SPOCK1: variants seen among roughly 807,000 people sequenced by gnomAD.
SPOCK1 encodes testican-1.
A neutral mutation model predicts 55.3 loss-of-function variants in SPOCK1; 23 were observed. The observed-to-expected ratio is 0.42, with a 90% CI of 0.30 to 0.59. The LOEUF is 0.59. SPOCK1 is among the 20% of genes least tolerant of loss of function. SPOCK1 has a pLI of 0.22. For missense variants in SPOCK1, 499 were observed against 552.5 expected (o/e 0.90, Z 0.97); for synonymous variants, 226 against 221.0 (o/e 1.02, Z -0.20).
chr5:137,071,865 G>T (rs114520423), intron 5 of SPOCK1, among the ~76,000 whole-genome samples: 1,786 of 152,280 alleles, frequency 0.012, 34 homozygotes, highest in African/African-American at 0.04. Flanking sequence ...AGATACAGAA[G>T]CCAAAACCTG....
chr5:137,398,633 A>T (rs904140142), intron 2 of SPOCK1, among the ~76,000 whole-genome samples: 1 of 152,210 alleles, frequency 6.6e-6, no homozygotes, highest in African/African-American at 2.4e-5. Context: ...ACACCCAGAG[A>T]CCACAGCTAA....
At chr5:137,059,945 A>G (rs1267451818) in intron 6 of SPOCK1, among the ~76,000 whole-genome samples, 2 of 152,246 alleles carry the variant, frequency 1.3e-5, no homozygotes, top group Admixed American at 6.5e-5. Flanking sequence ...AAGTCAAAAA[A>G]TAACAGATGC....
intron 6 of SPOCK1, among the ~76,000 whole-genome samples, chr5:137,038,037 C>T (rs987560636): frequency 6.6e-6 from 1 of 152,178 alleles, no homozygotes; most frequent in African/African-American, 2.4e-5. Flanking sequence ...GAGATGTATG[C>T]CCTTGCCTGA....
At chr5:137,036,140 G>A (rs1213988836) in intron 6 of SPOCK1, among the ~76,000 whole-genome samples, 2 of 152,196 alleles carry the variant, frequency 1.3e-5, no homozygotes, top group Non-Finnish European at 2.9e-5. Context: ...AAAGGGTAGT[G>A]CATCTGTTTT....
chr5:137,316,103 T>C (rs879852160), intron 2 of SPOCK1, among the ~76,000 whole-genome samples: 6 of 152,130 alleles, frequency 3.9e-5, no homozygotes, highest in East Asian at 3.9e-4. Context: ...AAATCCAAGA[T>C]TGAAGTGATA....
chr5:137,121,060 C>G (rs551348230), intron 4 of SPOCK1, among the ~76,000 whole-genome samples: 1 of 152,134 alleles, frequency 6.6e-6, no homozygotes, highest in Admixed American at 6.5e-5. Context: ...TATAAACATT[C>G]CAAATGTGTT....
At chr5:137,379,790 C>T (rs1412463317) in intron 2 of SPOCK1, among the ~76,000 whole-genome samples, 1 of 152,150 alleles carries the variant, frequency 6.6e-6, no homozygotes. Context: ...CTTGATGTGA[C>T]AATAGAAGCT....
intron 3 of SPOCK1, among the ~76,000 whole-genome samples, chr5:137,181,336 C>CTGTTAGTT (rs1368887862): frequency 3.3e-4 from 51 of 152,330 alleles, no homozygotes; most frequent in African/African-American, 1.2e-3. Context: ...GTGAGAGCTA[C>CTGTTAGTT]TGTTAGTTTC....
chr5:137,066,723 A>G (rs539029610), intron 6 of SPOCK1, among the ~76,000 whole-genome samples: 10 of 152,288 alleles, frequency 6.6e-5, no homozygotes, highest in Admixed American at 5.9e-4. Context: ...ACTGGAGATT[A>G]TTTGTAATCA....
intron 2 of SPOCK1, among the ~76,000 whole-genome samples, chr5:137,485,652 T>A (rs912564933): frequency 6.6e-6 from 1 of 152,048 alleles, no homozygotes; most frequent in Non-Finnish European, 1.5e-5. Context: ...AACTGGAAAC[T>A]AACTGCCCTT....
rs150287302 is a variant in SPOCK1, at chr5:137,161,675, T to C, written c.233-20981A>G. Among the ~76,000 whole-genome samples the C allele has an allele frequency of 2.4e-4, 37 of 152,312 alleles. No individual in the cohort carries two copies. The East Asian group carries it at 6.7e-3, about 28-fold the overall frequency. On this transcript the variant is annotated intron_variant, in intron 3 of 10. Coordinates refer to ENST00000394945, the MANE Select transcript of SPOCK1 (RefSeq NM_004598.4). Reference sequence around the variant, plus strand: ...CATACTTTTGCTGACGAAATGTTATTAACAAGTTCATAATAAATGCATGCT... The same window carrying C: ...CATACTTTTGCTGACGAAATGTTATCAACAAGTTCATAATAAATGCATGCT...
chr5:137,475,157 C>A (rs570947447), intron 2 of SPOCK1, among the ~76,000 whole-genome samples: 4 of 152,192 alleles, frequency 2.6e-5, no homozygotes, highest in African/African-American at 9.7e-5. Flanking sequence ...CAGACCATCA[C>A]TGCTGTGATC....
intron 3 of SPOCK1, among the ~76,000 whole-genome samples, chr5:137,230,182 A>C (rs1756024691): frequency 2.0e-5 from 3 of 152,244 alleles, no homozygotes; most frequent in Non-Finnish European, 4.4e-5. Context: ...CGTAAGATGC[A>C]TGCTTGGTTG....
chr5:137,160,549 A>ATAAT (rs1754513013), intron 3 of SPOCK1, among the ~76,000 whole-genome samples: 1 of 57,292 alleles, frequency 1.7e-5, no homozygotes, highest in Non-Finnish European at 3.0e-5. Flanking sequence ...TAATATATAT[A>ATAAT]ATATATATTA....
intron 5 of SPOCK1, among the ~76,000 whole-genome samples, chr5:137,092,861 G>T (rs192316734): frequency 6.6e-6 from 1 of 152,120 alleles, no homozygotes; most frequent in African/African-American, 2.4e-5. Context: ...TCACAGTCAC[G>T]GAGGCTGAGA....
intron 2 of SPOCK1, among the ~76,000 whole-genome samples, chr5:137,437,795 T>A (rs1174720064): frequency 6.6e-6 from 1 of 152,230 alleles, no homozygotes; most frequent in Non-Finnish European, 1.5e-5. Context: ...TTGTAAACTA[T>A]AGTAACCACT....
At chr5:137,178,598 C>T (rs1468825809) in intron 3 of SPOCK1, among the ~76,000 whole-genome samples, 2 of 152,204 alleles carry the variant, frequency 1.3e-5, no homozygotes, top group East Asian at 1.9e-4. Context: ...TCTTTCTCTA[C>T]AGAGTCTGCG....
intron 5 of SPOCK1, among the ~76,000 whole-genome samples, chr5:137,085,196 G>A (rs1350665020): frequency 6.6e-6 from 1 of 152,160 alleles, no homozygotes; most frequent in Non-Finnish European, 1.5e-5. Flanking sequence ...GCTGTCTGGA[G>A]ATGCCCCACC....
chr5:136,978,577 G>A lies in SPOCK1; in HGVS notation c.*77C>T. The A allele has an allele frequency of 6.8e-7, 1 of 1,481,000 alleles. No homozygotes were observed. Among genetic ancestry groups the A allele is most frequent in the Non-Finnish European group, 9.1e-7 (1 of 1,099,186 alleles). The allele number at this position is 1,481,000 out of a possible 1,614,324, so 91.7% of individuals were successfully genotyped here. A position where few individuals can be genotyped will look rare whatever the true frequency, so the allele number is the denominator to read the frequency against. On this transcript the variant is annotated 3_prime_UTR_variant, in exon 11 of 11. Transcript: ENST00000394945. ...ATGGAGAAGAGACCTTGGTGCCTTGGAGTCTTAGATACAAATGCAGGAATA... is the reference window on the plus strand; with the variant it reads ...ATGGAGAAGAGACCTTGGTGCCTTGAAGTCTTAGATACAAATGCAGGAATA...
Sources: gnomAD v4.1 joint callset for allele counts (sites outside exome capture counted in the v4.1 genomes callset) on GRCh38, gnomAD v4.1.1 for gene constraint, MANE v1.5 for transcripts, NCBI Gene and HGNC (gene_info 2026-07-23, HGNC 2026-07-21) for gene names.